AKAP7: variants seen among roughly 807,000 people sequenced by gnomAD.
AKAP7 encodes A kinase (PRKA) anchor protein 7.
A neutral mutation model predicts 39.5 loss-of-function variants in AKAP7; 39 were observed. The ratio of observed to expected loss-of-function variants is 0.99; its 90% CI spans 0.76 to 1.29. The LOEUF (loss-of-function observed/expected upper bound fraction) is 1.29. AKAP7 is among the 50% of genes most tolerant of loss of function. The pLI, the probability that AKAP7 is intolerant of heterozygous loss-of-function variation, is 0.00. For synonymous variants in AKAP7, 140 were observed against 139.1 expected, an observed-to-expected ratio of 1.01 and a Z score of -0.05; for missense variants, 414 against 407.7, an observed-to-expected ratio of 1.02 and a Z score of -0.13.
intron 7 of AKAP7, among the ~76,000 whole-genome samples, chr6:131,227,766 CA>C (rs565930783): frequency 2.2e-3 from 341 of 152,282 alleles, no homozygotes; most frequent in African/African-American, 7.9e-3. Context: ...ATAGCCTGCT[CA>C]GACTTTATGG....
At chr6:131,131,335 C>T (rs1478331510), upstream of AKAP7, among the ~76,000 whole-genome samples, 1 of 152,136 alleles carries the variant, frequency 6.6e-6, no homozygotes. Flanking sequence ...AACACCTTTG[C>T]ATGCAGGAGC....
rs541594363 is a variant in AKAP7 at position 131,282,482 on chromosome 6, A to T, written c.*756A>T. The T allele has an allele frequency of 1.2e-5, 19 of 1,535,860 alleles. No individual in the cohort carries two copies. In the South Asian group the frequency reaches 1.8e-4, roughly 14 times the overall value. ...GGGTCTGAAGTCCAAAGTGAAACAG[A>T]TAAAGGAACTTTTATTAAAGCCTGA... On this transcript the variant is annotated 3_prime_UTR_variant, in exon 8 of 8. Transcript: ENST00000431975.
intron 7 of AKAP7, among the ~76,000 whole-genome samples, chr6:131,277,188 G>T (rs1164847146): frequency 1.3e-5 from 2 of 152,128 alleles, no homozygotes; most frequent in Non-Finnish European, 2.9e-5. Context: ...AGTTTCTTAA[G>T]TCTGTATTTT....
At chr6:131,198,049 G>A (rs1486764159) in intron 5 of AKAP7, among the ~76,000 whole-genome samples, 5 of 152,158 alleles carry the variant, frequency 3.3e-5, no homozygotes, top group Non-Finnish European at 5.9e-5. Context: ...GGGAGTGCTA[G>A]AAGCAAGGAG....
intron 6 of AKAP7, among the ~76,000 whole-genome samples, chr6:131,217,796 G>A (rs977047291): frequency 6.6e-6 from 1 of 152,090 alleles, no homozygotes; most frequent in African/African-American, 2.4e-5. Context: ...AGCAATAGTG[G>A]CTAGTCGGTG....
At chr6:131,197,719 G>T (rs1266953827) in intron 5 of AKAP7, among the ~76,000 whole-genome samples, 1 of 152,104 alleles carries the variant, frequency 6.6e-6, no homozygotes, top group Non-Finnish European at 1.5e-5. Context: ...AATTTGATTT[G>T]GATTTGGATT....
rs915499747 is a variant in AKAP7 at position 131,276,381 on chromosome 6, G to A, written c.851-5149G>A. Among the ~76,000 whole-genome samples, 10 of 152,150 alleles carry A rather than the reference G, an allele frequency of 6.6e-5. No individual in the cohort carries two copies. In the East Asian group the frequency reaches 1.4e-3, roughly 21 times the overall value. ...TTTGGCAGATAAGGGTCCCGGGACC[G>A]TGTCAGTTTAAATGTGCACTTGAGG... On this transcript the variant is annotated intron_variant, in intron 7 of 7. Transcript: ENST00000431975.
intron 2 of AKAP7, among the ~76,000 whole-genome samples, chr6:131,149,598 G>A (rs979121944): frequency 6.6e-6 from 1 of 152,196 alleles, no homozygotes; most frequent in African/African-American, 2.4e-5. Context: ...TTGCGCCACT[G>A]CACTCCAGCC....
At position 131,146,692 on chromosome 6, in the gene AKAP7, T is replaced by A. The variant is rs1481948880; in HGVS notation, c.151+1276T>A. Among the ~76,000 whole-genome samples the A allele has an allele frequency of 3.9e-5, 6 of 152,228 alleles. No homozygotes were observed. In the South Asian group the frequency reaches 6.2e-4, roughly 16 times the overall value. On this transcript the variant is annotated intron_variant, in intron 2 of 7. Transcript: ENST00000431975. ...GCTGTGGTTTGATATGCTTTTTTCA[T>A]GACTAGGGCTCTGTGGCATAACAAA... is the stretch of plus-strand genomic sequence containing the variant.
At chr6:131,276,305 G>A (rs759370699) in intron 7 of AKAP7, among the ~76,000 whole-genome samples, 1 of 152,086 alleles carries the variant, frequency 6.6e-6, no homozygotes, top group African/African-American at 2.4e-5. Context: ...GCAAGAGGAG[G>A]GGAGCTGTAT....
At chr6:131,185,764 A>G (rs1805785341) in intron 5 of AKAP7, among the ~76,000 whole-genome samples, 1 of 152,194 alleles carries the variant, frequency 6.6e-6, no homozygotes, top group African/African-American at 2.4e-5. Context: ...CTCCCACTCC[A>G]TAGGTGGCCT....
At chr6:131,223,081 G>T (rs1809847819) in intron 7 of AKAP7, among the ~76,000 whole-genome samples, 1 of 152,238 alleles carries the variant, frequency 6.6e-6, no homozygotes, top group African/African-American at 2.4e-5. Flanking sequence ...AAAGTAAAAT[G>T]TTTACATTTT....
chr6:131,269,794 A>G (rs2128333748), intron 7 of AKAP7, among the ~76,000 whole-genome samples: 2 of 152,344 alleles, frequency 1.3e-5, no homozygotes, highest in Middle Eastern at 6.8e-3. Flanking sequence ...AAACCACCCC[A>G]GTCTATTTCA....
intron 7 of AKAP7, among the ~76,000 whole-genome samples, chr6:131,261,056 C>T (rs1398161296): frequency 6.6e-6 from 1 of 151,932 alleles, no homozygotes; most frequent in Non-Finnish European, 1.5e-5. Context: ...GTTAGCTGGG[C>T]GTAGTGGCAC....
intron 5 of AKAP7, 67 bp from the exon 6 acceptor site, chr6:131,199,394 T>G (rs191834821): frequency 9.3e-7 from 1 of 1,071,802 alleles, no homozygotes; most frequent in Non-Finnish European, 1.4e-6. Flanking sequence ...CTGGTATTTT[T>G]TTTTACAGTT....
At chr6:131,238,459 C>T (rs1204657129) in intron 7 of AKAP7, among the ~76,000 whole-genome samples, 3 of 152,118 alleles carry the variant, frequency 2.0e-5, no homozygotes, top group Non-Finnish European at 4.4e-5. Context: ...CCTGGATATC[C>T]TTGTTAACTT....
At chr6:131,229,997 G>A (rs1370738097) in intron 7 of AKAP7, among the ~76,000 whole-genome samples, 1 of 152,166 alleles carries the variant, frequency 6.6e-6, no homozygotes, top group Non-Finnish European at 1.5e-5. Context: ...CACCATTGAT[G>A]TGTACCTAGG....
intron 7 of AKAP7, among the ~76,000 whole-genome samples, chr6:131,254,095 G>A (rs1477860378): frequency 6.6e-6 from 1 of 151,978 alleles, no homozygotes; most frequent in Non-Finnish European, 1.5e-5. Context: ...ACACTTTTTT[G>A]TTTAAATCTT....
intron 2 of AKAP7, among the ~76,000 whole-genome samples, chr6:131,157,997 TA>T (rs1240600476): frequency 6.6e-6 from 1 of 152,222 alleles, no homozygotes; most frequent in Non-Finnish European, 1.5e-5. Context: ...AAAACATATC[TA>T]TTTCTACACA....
Sources: allele counts gnomAD v4.1 joint callset (sites outside exome capture counted in the v4.1 genomes callset), GRCh38; gene constraint gnomAD v4.1.1; transcripts MANE v1.5; gene names NCBI Gene and HGNC (gene_info 2026-07-23, HGNC 2026-07-21).